The following THSD7B variants were observed in gnomAD, a reference collection of about 807,000 sequenced individuals.
THSD7B encodes thrombospondin type 1 domain containing 7B.
THSD7B carries 138 observed loss-of-function variants against 213.6 expected under a neutral mutation model. That is an observed-to-expected ratio of 0.65 (90% CI 0.56 to 0.74). The LOEUF is 0.74. Ranked by LOEUF, THSD7B falls within the 30% of genes least tolerant of loss-of-function variation. The pLI, the probability that THSD7B is intolerant of heterozygous loss-of-function variation, is 0.00. For missense variants in THSD7B, 1,931 were observed against 1,991.5 expected (o/e 0.97, Z 0.58); for synonymous variants, 742 against 687.0 (o/e 1.08, Z -1.25).
chr2:136,894,108 C>A (rs548794), intron 2 of THSD7B, among the ~76,000 whole-genome samples: 101,035 of 152,000 alleles, frequency 0.66, 34,290 homozygotes, highest in East Asian at 0.79. Context: ...TGGTGGATTT[C>A]ATTCATGAAT....
chr2:136,897,349 T>G (rs1683978165), intron 2 of THSD7B, among the ~76,000 whole-genome samples: 1 of 152,132 alleles, frequency 6.6e-6, no homozygotes, highest in African/African-American at 2.4e-5. Context: ...AGTTTCTTCC[T>G]TCTGGTGGGC....
At chr2:137,661,018 G>A (rs1683334015) in intron 25 of THSD7B, among the ~76,000 whole-genome samples, 1 of 152,128 alleles carries the variant, frequency 6.6e-6, no homozygotes, top group Admixed American at 6.5e-5. Flanking sequence ...TTAACTGGTT[G>A]ATGAGGATTG....
rs139803520 is a variant in THSD7B at position 137,232,315 on chromosome 2, G to A, written c.1916-584G>A. Among the ~76,000 whole-genome samples, 11 of 152,242 alleles carry A rather than the reference G, an allele frequency of 7.2e-5. No homozygotes were observed. In the East Asian group the frequency reaches 1.7e-3, roughly 24 times the overall value. On this transcript the variant is annotated intron_variant, in intron 8 of 27. Coordinates refer to ENST00000409968, the MANE Select transcript of THSD7B (RefSeq NM_001316349.2). ...CCTGCCAGGGGATAGCACATTGTCA[G>A]GTATTATTTCAGAGTTTAAGGAGGG... is the stretch of plus-strand genomic sequence containing the variant.
rs549334431 is a variant in THSD7B at position 136,955,593 on chromosome 2, G to A, written c.139+73276G>A. Among the ~76,000 whole-genome samples the A allele has an allele frequency of 2.6e-5, 4 of 152,214 alleles. No homozygotes were observed. In the South Asian group the frequency reaches 8.3e-4, roughly 32 times the overall value. ...AAAAGTTAATATCAATTAAGTTTAG[G>A]ACATGAGTTTTCTTATATTTTAATC... On this transcript the variant is annotated intron_variant, in intron 2 of 27. Transcript: ENST00000409968.
chr2:137,465,805 T>C (rs949870183), intron 15 of THSD7B, among the ~76,000 whole-genome samples: 1 of 152,122 alleles, frequency 6.6e-6, no homozygotes, highest in African/African-American at 2.4e-5. Flanking sequence ...GAACCACTAA[T>C]GTCAAGTGGC....
Position 137,550,882 on chromosome 2 carries a change from C to G in THSD7B, c.3139-12339C>G, listed in dbSNP as rs538603068. Among the ~76,000 whole-genome samples, 20 of 152,096 alleles carry G rather than the reference C, an allele frequency of 1.3e-4. No individual in the cohort carries two copies. In the South Asian group the frequency reaches 4.1e-3, roughly 32 times the overall value. On this transcript the variant is annotated intron_variant, in intron 15 of 27. Coordinates refer to ENST00000409968, the MANE Select transcript of THSD7B (RefSeq NM_001316349.2). Reference sequence around the variant, plus strand: ...AAAATGAAAGGTAGAGTCCAGAGCTCAGTTCTATGCTTAGTACCTGGGTAA... The same window carrying G: ...AAAATGAAAGGTAGAGTCCAGAGCTGAGTTCTATGCTTAGTACCTGGGTAA...
intron 4 of THSD7B, among the ~76,000 whole-genome samples, chr2:137,098,745 G>A (rs1051880054): frequency 5.9e-5 from 9 of 152,138 alleles, no homozygotes; most frequent in African/African-American, 1.7e-4. Flanking sequence ...CTCATTGCTC[G>A]ACTGTCCAGC....
At chr2:137,531,865 A>G (rs1680405292) in intron 15 of THSD7B, among the ~76,000 whole-genome samples, 1 of 151,956 alleles carries the variant, frequency 6.6e-6, no homozygotes, top group Non-Finnish European at 1.5e-5. Flanking sequence ...GTGACATGGA[A>G]AATTTGGGTG....
chr2:137,512,382 CTTTTTTTTT>C (rs70978233), intron 15 of THSD7B, among the ~76,000 whole-genome samples: 4,194 of 81,354 alleles, frequency 0.052, 101 homozygotes, highest in Middle Eastern at 0.082. Context: ...CATTTATTTC[CTTTTTTTTT>C]TTTTTTTTTT....
intron 9 of THSD7B, among the ~76,000 whole-genome samples, chr2:137,237,070 G>A (rs1180635056): frequency 2.2e-5 from 3 of 138,486 alleles, no homozygotes; most frequent in Admixed American, 1.6e-4. Flanking sequence ...GAGATGGCAC[G>A]CCATTACACT....
chr2:137,037,401 T>C (rs946001128), intron 2 of THSD7B, among the ~76,000 whole-genome samples: 4 of 133,930 alleles, frequency 3.0e-5, no homozygotes, highest in South Asian at 2.7e-4. Context: ...TGAACTGATA[T>C]ATGTATGTAT....
At chr2:136,855,205 A>G (rs1017649739) in intron 1 of THSD7B, among the ~76,000 whole-genome samples, 9 of 152,108 alleles carry the variant, frequency 5.9e-5, no homozygotes, top group African/African-American at 1.9e-4. Flanking sequence ...ATTTACATGT[A>G]TGAAGTGAAG....
intron 12 of THSD7B, among the ~76,000 whole-genome samples, chr2:137,374,998 C>T (rs1162296122): frequency 6.6e-6 from 1 of 152,190 alleles, no homozygotes; most frequent in East Asian, 1.9e-4. Context: ...GGTTGAGACA[C>T]AAGTTCCACT....
At position 137,165,634 on chromosome 2, in the gene THSD7B, C is replaced by A. The variant is rs569217406; in HGVS notation, c.1526-5107C>A. Among the ~76,000 whole-genome samples, 9 of 152,166 alleles carry A rather than the reference C, an allele frequency of 5.9e-5. No homozygotes were observed. In the East Asian group the frequency reaches 1.7e-3, roughly 29 times the overall value. ...ACACAGGCTAATGCATTAAACATTGCAAAACTCTGGGATATAAGCGGGAGT... is the reference window on the plus strand; with the variant it reads ...ACACAGGCTAATGCATTAAACATTGAAAAACTCTGGGATATAAGCGGGAGT... On this transcript the variant is annotated intron_variant, in intron 6 of 27. Transcript: ENST00000409968.
chr2:137,130,948 C>T lies in THSD7B; in HGVS notation c.1369+15655C>T, dbSNP rs527373446. Among the ~76,000 whole-genome samples the T allele has an allele frequency of 5.5e-4, 83 of 151,814 alleles. 3 individuals carry two copies. The South Asian group carries it at 0.013, about 23-fold the overall frequency. The stretch of plus-strand genomic sequence containing the variant: ...TTCTAGTTCTAGATCTCTGAGGAAT[C>T]GCCACACTGACTTCTAAAATGGTTG... On this transcript the variant is annotated intron_variant, in intron 5 of 27. Transcript: ENST00000409968.
chr2:137,597,401 G>A (rs1681982675), intron 17 of THSD7B, among the ~76,000 whole-genome samples: 1 of 151,464 alleles, frequency 6.6e-6, no homozygotes, highest in Non-Finnish European at 1.5e-5. Flanking sequence ...TGAGCCAGCT[G>A]TAAAGGTCAT....
At chr2:137,299,133 C>A (rs981848692) in intron 12 of THSD7B, among the ~76,000 whole-genome samples, 1 of 152,156 alleles carries the variant, frequency 6.6e-6, no homozygotes, top group African/African-American at 2.4e-5. Context: ...CCTTTTGCAT[C>A]AGCATGATCT....
At chr2:136,935,547 AAC>A (rs1354872662) in intron 2 of THSD7B, among the ~76,000 whole-genome samples, 2 of 152,208 alleles carry the variant, frequency 1.3e-5, no homozygotes, top group Non-Finnish European at 1.5e-5. Context: ...TTGATGTATC[AAC>A]ACAATGGGTG....
At chr2:136,901,801 A>G (rs867205572) in intron 2 of THSD7B, among the ~76,000 whole-genome samples, 2 of 152,240 alleles carry the variant, frequency 1.3e-5, no homozygotes, top group African/African-American at 4.8e-5. Context: ...AACATCTTGT[A>G]TTCAGCATTA....
Sources: allele counts gnomAD v4.1 joint callset (sites outside exome capture counted in the v4.1 genomes callset), GRCh38; gene constraint gnomAD v4.1.1; transcripts MANE v1.5; gene names NCBI Gene and HGNC (gene_info 2026-07-23, HGNC 2026-07-21).